The following PHKB variants were observed in gnomAD, a reference collection of about 807,000 sequenced individuals.
PHKB encodes the protein phosphorylase b kinase regulatory subunit beta.
In PHKB, 122 loss-of-function variants were observed where a neutral mutation model predicts 152.1. The observed-to-expected ratio is 0.80, with a 90% confidence interval of 0.69 to 0.93. The LOEUF (loss-of-function observed/expected upper bound fraction) is 0.93, where lower values mean the gene tolerates loss of function less well. Among genes scored for constraint, PHKB ranks in the 40% least tolerant of loss-of-function variants. PHKB has a pLI of 0.00. For synonymous variants in PHKB, 436 were observed against 464.9 expected (o/e 0.94, Z 0.80); for missense variants, 1,304 against 1,328.4 (o/e 0.98, Z 0.29).
At chr16:47,519,098 A>C (rs1447118942) in intron 6 of PHKB, among the ~76,000 whole-genome samples, 3 of 152,196 alleles carry the variant, frequency 2.0e-5, no homozygotes, top group African/African-American at 7.2e-5. Flanking sequence ...CAAGCCTTAT[A>C]ATAAAAATTG....
At chr16:47,678,000 A>G (rs1973767618) in intron 26 of PHKB, among the ~76,000 whole-genome samples, 2 of 144,102 alleles carry the variant, frequency 1.4e-5, no homozygotes, top group African/African-American at 5.2e-5. Flanking sequence ...GTTCCCACCT[A>G]TGAGTGAGAA....
intron 1 of PHKB, chr16:47,461,967 A>G (rs1331552896): frequency 6.5e-6 from 1 of 155,012 alleles, no homozygotes; most frequent in Non-Finnish European, 1.4e-5. Flanking sequence ...GGCCTCAGAT[A>G]TTGAAGAGTA....
chr16:47,634,711 A>G (rs779281242), intron 14 of PHKB, among the ~76,000 whole-genome samples: 1 of 152,158 alleles, frequency 6.6e-6, no homozygotes, highest in African/African-American at 2.4e-5. Context: ...AGTGCACTTG[A>G]TGGGAATATA....
In PHKB at chr16:47,610,851, C is replaced by T. The variant is rs772380779; in HGVS notation, c.1389C>T (p.Asp463=). The T allele has an allele frequency of 5.6e-6, 9 of 1,607,178 alleles. No individual in the cohort carries two copies. The highest frequency in any genetic ancestry group is 2.7e-5 in the African/African-American group (2 of 74,800). Residue 463 remains aspartate (D), a synonymous_variant, in exon 14 of 31, where the codon GAC becomes GAT. Coordinates refer to ENST00000323584, the MANE Select transcript of PHKB (RefSeq NM_000293.3). ...LLADELISPK[D]IDPVQRYVPL... is the part of the protein sequence containing the mutation. ...CTGATGAACTTATTAGTCCTAAAGA[C>T]ATTGATCCTGTCCAGCGCTATGTCC...
chr16:47,631,884 G>T (rs1184604700), intron 14 of PHKB, among the ~76,000 whole-genome samples: 1 of 152,120 alleles, frequency 6.6e-6, no homozygotes, highest in Non-Finnish European at 1.5e-5. Context: ...ATCATTGATG[G>T]GCATTTGGGT....
intron 29 of PHKB, among the ~76,000 whole-genome samples, chr16:47,697,178 G>A (rs1190128520): frequency 2.6e-5 from 4 of 152,148 alleles, no homozygotes; most frequent in East Asian, 1.9e-4. Context: ...GTATCCATCC[G>A]ACTTTTGTGT....
At chr16:47,526,334 C>T (rs1312870382) in intron 6 of PHKB, among the ~76,000 whole-genome samples, 2 of 151,920 alleles carry the variant, frequency 1.3e-5, no homozygotes, top group South Asian at 2.1e-4. Context: ...TGCTTGAATC[C>T]GAGAGGCAGA....
intron 13 of PHKB, among the ~76,000 whole-genome samples, chr16:47,600,945 A>T (rs1201513541): frequency 6.6e-6 from 1 of 152,100 alleles, no homozygotes; most frequent in Non-Finnish European, 1.5e-5. Flanking sequence ...GGAGTTCGCG[A>T]CTAGCCTCGC....
At chr16:47,461,322 G>C (rs1426898183), upstream of PHKB, 1 of 1,557,830 alleles carries the variant, frequency 6.4e-7, no homozygotes, top group Non-Finnish European at 8.8e-7. Flanking sequence ...GGCCCCGGGG[G>C]CGGTGGCCAA....
At position 47,596,291 on chromosome 16, in the gene PHKB, T is replaced by C. The variant is rs1353690586; in HGVS notation, c.1205-82T>C. ...TCCTTCCTTTATAAATTACCCAGTC[T>C]TGGGTATATCTTTATTAGTAGCATG... is the stretch of plus-strand genomic sequence containing the variant. On this transcript the variant is annotated intron_variant, in intron 12 of 30. Transcript: ENST00000323584. 5 of 980,186 alleles carry C rather than the reference T, an allele frequency of 5.1e-6. No homozygotes were observed. The African/African-American group carries it at 8.2e-5, about 16-fold the overall frequency. 60.7% of individuals were successfully genotyped at this position (980,186 alleles called of 1,614,324 possible). A position where few individuals can be genotyped will look rare whatever the true frequency, so the allele number is the denominator to read the frequency against.
At chr16:47,511,822 C>A in intron 5 of PHKB, 50 bp downstream of exon 5, 1 of 1,200,434 alleles carries the variant, frequency 8.3e-7, no homozygotes, top group Non-Finnish European at 1.2e-6. Flanking sequence ...TAGCATAGAA[C>A]AGTGATCCCC....
chr16:47,573,542 G>A (rs984940835), intron 7 of PHKB, among the ~76,000 whole-genome samples: 1 of 152,186 alleles, frequency 6.6e-6, no homozygotes, highest in Non-Finnish European at 1.5e-5. Context: ...AACACATTGG[G>A]TCTCACACTC....
At chr16:47,600,503 C>A (rs1271623081) in intron 13 of PHKB, among the ~76,000 whole-genome samples, 1 of 152,142 alleles carries the variant, frequency 6.6e-6, no homozygotes, top group African/African-American at 2.4e-5. Flanking sequence ...CTAAAGAAAG[C>A]AGAGTACCTT....
chr16:47,548,735 C>T (rs1340078097), intron 7 of PHKB, among the ~76,000 whole-genome samples: 1 of 151,980 alleles, frequency 6.6e-6, no homozygotes, highest in Non-Finnish European at 1.5e-5. Context: ...AAATCAAAAA[C>T]CAGCTCCAGA....
chr16:47,610,790 C>T (rs751202603), intron 13 of PHKB, 36 bp from the exon 14 acceptor site: 2 of 1,156,494 alleles, frequency 1.7e-6, no homozygotes, highest in Non-Finnish European at 2.6e-6. Flanking sequence ...TATGCAAATG[C>T]ATTTTCGATA....
At position 47,540,707 on chromosome 16, in the gene PHKB, G is replaced by A. The variant is rs147999992; in HGVS notation, c.595-6726G>A. Among the ~76,000 whole-genome samples, 227 of 151,746 alleles carry A rather than the reference G, an allele frequency of 1.5e-3. 1 individual carries two copies. The highest frequency in any genetic ancestry group is 4.8e-3 in the African/African-American group (200 of 41,374). ...TAAAATACTGGGGACAGGTTCCCCCGAGAAATAATCACACGTATTTCAGTA... is the reference window on the plus strand; with the variant it reads ...TAAAATACTGGGGACAGGTTCCCCCAAGAAATAATCACACGTATTTCAGTA... On this transcript the variant is annotated intron_variant, in intron 6 of 30. Transcript: ENST00000323584.
At chr16:47,572,703 C>T (rs917939773) in intron 7 of PHKB, among the ~76,000 whole-genome samples, 3 of 152,102 alleles carry the variant, frequency 2.0e-5, no homozygotes, top group Non-Finnish European at 4.4e-5. Context: ...TGTAAGATTT[C>T]CTTGGTTATA....
intron 14 of PHKB, among the ~76,000 whole-genome samples, chr16:47,611,643 A>T (rs897503467): frequency 2.0e-5 from 3 of 151,344 alleles, no homozygotes; most frequent in Non-Finnish European, 3.0e-5. Context: ...CCTTATATTT[A>T]AAAAAAAATG....
At chr16:47,592,639 T>A (rs556225288) in intron 10 of PHKB, among the ~76,000 whole-genome samples, 2 of 152,354 alleles carry the variant, frequency 1.3e-5, no homozygotes, top group African/African-American at 4.8e-5. Flanking sequence ...CATGTGTAGA[T>A]ATTTCCTACT....
Sources: gnomAD v4.1 joint callset for allele counts (sites outside exome capture counted in the v4.1 genomes callset) on GRCh38, gnomAD v4.1.1 for gene constraint, MANE v1.5 for transcripts, NCBI Gene and HGNC (gene_info 2026-07-23, HGNC 2026-07-21) for gene names.